Variants in KIF13B observed in about 807,000 individuals in gnomAD.
KIF13B encodes the protein kinesin family member 13B, also known as kinesin-like protein KIF13B.
KIF13B carries 127 observed loss-of-function variants against 222.0 expected under a neutral mutation model. The ratio of observed to expected loss-of-function variants is 0.57; its 90% confidence interval spans 0.50 to 0.66. KIF13B has a LOEUF of 0.66. Among genes scored for constraint, KIF13B ranks in the 30% least tolerant of loss-of-function variants. The probability of loss-of-function intolerance (pLI) is 0.00; values close to 1 mark genes in which losing one functional copy is unlikely to be tolerated. For synonymous variants in KIF13B, 976 were observed against 919.0 expected (o/e 1.06, Z -1.12); for missense variants, 2,173 against 2,379.0 (o/e 0.91, Z 1.80).
chr8:29,190,777 T>G, intron 4 of KIF13B: 2 of 561,870 alleles, frequency 3.6e-6, no homozygotes, highest in Non-Finnish European at 6.5e-6. Flanking sequence ...CGGAACTGAG[T>G]TAGAGGACAC....
chr8:29,161,102 T>A (rs975544328), intron 12 of KIF13B, among the ~76,000 whole-genome samples: 1 of 152,256 alleles, frequency 6.6e-6, no homozygotes, highest in Non-Finnish European at 1.5e-5. Flanking sequence ...CTAATTGTAC[T>A]AGTGATTCTC....
chr8:29,070,869 C>G lies in KIF13B; in HGVS notation c.5219-103G>C, dbSNP rs931023621. 5.8e-6 allele frequency: 7 copies of G among 1,212,912 alleles called. No homozygotes were observed. The African/African-American group carries it at 7.7e-5, about 13-fold the overall frequency. 75.1% of individuals were successfully genotyped at this position (1,212,912 alleles called of 1,614,324 possible). On this transcript the variant is annotated intron_variant, in intron 39 of 39. Coordinates refer to ENST00000524189, the MANE Select transcript of KIF13B (RefSeq NM_015254.4). The surrounding 1 kb of genome is among the most constrained non-coding windows in gnomAD (Gnocchi z 4.1). ...GGCCATGTGCCCACACTGCCACCCC[C>G]CCGCACAGGCCCTACACAGCCAGCA...
chr8:29,105,261 G>A (rs969954418), intron 35 of KIF13B, among the ~76,000 whole-genome samples: 4 of 151,944 alleles, frequency 2.6e-5, no homozygotes, highest in African/African-American at 7.3e-5. Context: ...ATGAGCCACC[G>A]CGCCCGGCCT....
chr8:29,104,803 G>A (rs1808972076), intron 35 of KIF13B, among the ~76,000 whole-genome samples: 2 of 151,942 alleles, frequency 1.3e-5, no homozygotes. Flanking sequence ...GAGTGCAGTG[G>A]CGCGATCTCG....
chr8:29,234,588 G>T (rs1815425076), intron 2 of KIF13B, among the ~76,000 whole-genome samples: 1 of 146,674 alleles, frequency 6.8e-6, no homozygotes, highest in African/African-American at 2.5e-5. Flanking sequence ...TAGTGCTATG[G>T]TTACACAACA....
At chr8:29,148,456 T>C (rs1586843567) in intron 16 of KIF13B, 121 bp downstream of exon 16, 2 of 549,320 alleles carry the variant, frequency 3.6e-6, no homozygotes, top group Non-Finnish European at 6.0e-6. Context: ...TAAAGAGCAG[T>C]GGTTATTCAC....
intron 35 of KIF13B, among the ~76,000 whole-genome samples, chr8:29,105,651 T>TTTC (rs1809025324): frequency 8.8e-5 from 1 of 11,332 alleles, no homozygotes; most frequent in Non-Finnish European, 4.3e-4. Context: ...GTTTGTTTGG[T>TTTC]TTTTTTTTTT....
intron 1 of KIF13B, among the ~76,000 whole-genome samples, chr8:29,246,377 C>CG (rs1401090362): frequency 2.0e-5 from 3 of 147,984 alleles, no homozygotes; most frequent in Non-Finnish European, 3.0e-5. Context: ...AACTCTGTCT[C>CG]GGGGGAAAAG....
chr8:29,130,948 A>G (rs961748073), intron 23 of KIF13B, among the ~76,000 whole-genome samples: 2 of 152,220 alleles, frequency 1.3e-5, no homozygotes, highest in African/African-American at 4.8e-5. Context: ...TGGAAATTCT[A>G]ATCAGATGTA....
At chr8:29,100,710 A>G (rs1313767312) in intron 35 of KIF13B, among the ~76,000 whole-genome samples, 1 of 152,120 alleles carries the variant, frequency 6.6e-6, no homozygotes, top group Non-Finnish European at 1.5e-5. Context: ...TCGGCCTCCC[A>G]AAGTGCTGAG....
At chr8:29,207,294 C>T (rs546608063) in intron 2 of KIF13B, among the ~76,000 whole-genome samples, 4 of 152,270 alleles carry the variant, frequency 2.6e-5, no homozygotes, top group African/African-American at 7.2e-5. Flanking sequence ...CCATTGTTTG[C>T]CCTGGTGATA....
intron 37 of KIF13B, among the ~76,000 whole-genome samples, chr8:29,088,403 G>C (rs1362069415): frequency 6.6e-6 from 1 of 152,152 alleles, no homozygotes; most frequent in East Asian, 1.9e-4. Context: ...CTTAAAAATA[G>C]GGTCTTGCTG....
intron 2 of KIF13B, among the ~76,000 whole-genome samples, chr8:29,222,366 A>C (rs1814792914): frequency 6.6e-6 from 1 of 152,084 alleles, no homozygotes; most frequent in South Asian, 2.1e-4. Flanking sequence ...CAAAAAAACA[A>C]AACAAAACAA....
rs940212587 is a variant in KIF13B at position 29,123,544 on chromosome 8, C to G, written c.3353-52G>C. 3.1e-6 allele frequency: 5 copies of G among 1,607,082 alleles called. No individual in the cohort carries two copies. In the East Asian group the frequency reaches 1.1e-4, roughly 36 times the overall value. ...TGACAAAACTTCACTTGCCATTTAT[C>G]TTTTTGTCCTGAGTAAAGACTGGAT... On this transcript the variant is annotated intron_variant, in intron 27 of 39. Transcript: ENST00000524189.
chr8:29,155,867 AC>A lies in KIF13B; in HGVS notation c.1405-12del. 1 of 1,548,252 alleles carries A rather than the reference AC, an allele frequency of 6.5e-7. No individual in the cohort carries two copies. Among genetic ancestry groups the A allele is most frequent in the South Asian group, 1.2e-5 (1 of 84,868 alleles). Reference sequence around the variant, plus strand: ...TATCAATGTATGTTCCTAAGAAAAAACCAAATTCACTGATTAATACTGTATT... The same window carrying A: ...TATCAATGTATGTTCCTAAGAAAAAACAAATTCACTGATTAATACTGTATT... On this transcript the variant is annotated splice_polypyrimidine_tract_variant and intron_variant, in intron 13 of 39. Transcript: ENST00000524189.
In KIF13B at chr8:29,206,812, GAAAT is replaced by G. The variant is rs974670721; in HGVS notation, c.150-10617_150-10614del. 5.3e-5 allele frequency among the ~76,000 whole-genome samples: 8 copies of G among 152,154 alleles called. No individual in the cohort carries two copies. In the South Asian group the frequency reaches 8.3e-4, roughly 16 times the overall value. ...AATATGTCATATAATAGGTGCTAAG[GAAAT>G]AAATAAAGCAGGGAAGGTGGATGGG... On this transcript the variant is annotated intron_variant, in intron 2 of 39. Coordinates refer to ENST00000524189, the MANE Select transcript of KIF13B (RefSeq NM_015254.4).
intron 13 of KIF13B, among the ~76,000 whole-genome samples, chr8:29,158,177 T>G (rs1215943800): frequency 6.6e-6 from 1 of 152,204 alleles, no homozygotes; most frequent in African/African-American, 2.4e-5. Context: ...GAGCTCACAA[T>G]TGGAAAAAGC....
chr8:29,103,113 G>A (rs1480651574), intron 35 of KIF13B, among the ~76,000 whole-genome samples: 6 of 151,810 alleles, frequency 4.0e-5, no homozygotes, highest in Admixed American at 3.9e-4. Context: ...ACGGTGGCGG[G>A]CGCCTGTAGT....
intron 2 of KIF13B, among the ~76,000 whole-genome samples, chr8:29,209,435 G>A (rs565444989): frequency 6.6e-6 from 1 of 152,278 alleles, no homozygotes; most frequent in Non-Finnish European, 1.5e-5. Flanking sequence ...TCCTACAGTG[G>A]CCTGAGTCCA....
Sources: allele counts gnomAD v4.1 joint callset (sites outside exome capture counted in the v4.1 genomes callset), GRCh38; gene constraint gnomAD v4.1.1; non-coding constraint Gnocchi (gnomAD v3.1); transcripts MANE v1.5; gene names NCBI Gene and HGNC (gene_info 2026-07-23, HGNC 2026-07-21).